Variants in ARL14EPL observed in about 807,000 individuals in gnomAD.
The protein encoded by ARL14EPL is ARL14 effector protein-like.
A neutral mutation model predicts 15.9 loss-of-function variants in ARL14EPL; 17 were observed. That is an observed-to-expected ratio of 1.07 (90% confidence interval 0.73 to 1.60). ARL14EPL has a LOEUF of 1.60. Ranked by LOEUF, ARL14EPL falls within the 40% of genes most tolerant of loss-of-function variation. The pLI is 0.00. For synonymous variants in ARL14EPL, 78 were observed against 63.8 expected (o/e 1.22, Z -1.06); for missense variants, 214 against 185.9 (o/e 1.15, Z -0.88).
At chr5:116,040,079 A>G (rs189129484) in intron 1 of ARL14EPL, among the ~76,000 whole-genome samples, 8 of 152,300 alleles carry the variant, frequency 5.3e-5, no homozygotes, top group Non-Finnish European at 1.0e-4. Context: ...CCAACTTAGC[A>G]ACTCGAAACC....
intron 3 of ARL14EPL, among the ~76,000 whole-genome samples, chr5:116,057,004 A>G (rs966294867): frequency 3.3e-5 from 5 of 152,214 alleles, no homozygotes; most frequent in Non-Finnish European, 7.3e-5. Flanking sequence ...ATCCCTGATG[A>G]ACATCAATGC....
rs550353016 is a variant in ARL14EPL, at chr5:116,033,074, C to T, written c.-10+569C>T. Among the ~76,000 whole-genome samples, 5 of 152,232 alleles carry T rather than the reference C, an allele frequency of 3.3e-5. No individual in the cohort carries two copies. The South Asian group carries it at 1.0e-3, about 32-fold the overall frequency. On this transcript the variant is annotated intron_variant, in intron 1 of 3. Coordinates refer to ENST00000686077, the MANE Select transcript of ARL14EPL (RefSeq NM_001195581.2). Reference sequence around the variant, plus strand: ...TCAGCCTGCCAAAGTGCTGGGATTCCAGGTGTGAGCCCCCACACCCGGCCT... The same window carrying T: ...TCAGCCTGCCAAAGTGCTGGGATTCTAGGTGTGAGCCCCCACACCCGGCCT...
chr5:116,036,083 T>C (rs1749045285), intron 1 of ARL14EPL, among the ~76,000 whole-genome samples: 1 of 152,104 alleles, frequency 6.6e-6, no homozygotes, highest in Non-Finnish European at 1.5e-5. Flanking sequence ...TAAAAGGTGG[T>C]TTTGGAATTG....
chr5:116,054,574 G>A (rs1245834759), intron 3 of ARL14EPL, among the ~76,000 whole-genome samples: 1 of 152,214 alleles, frequency 6.6e-6, no homozygotes, highest in African/African-American at 2.4e-5. Flanking sequence ...GCTCACACCT[G>A]TAATTCCAAC....
chr5:116,041,383 T>G (rs928671540), intron 1 of ARL14EPL, among the ~76,000 whole-genome samples: 1 of 152,222 alleles, frequency 6.6e-6, no homozygotes, highest in South Asian at 2.1e-4. Context: ...AAGGAAGTTT[T>G]GGGGGAAAAC....
intron 2 of ARL14EPL, chr5:116,052,426 A>G (rs2112678641): frequency 6.4e-6 from 4 of 622,836 alleles, no homozygotes; most frequent in Non-Finnish European, 1.1e-5. Context: ...GTATTAACTC[A>G]TCTAATCCTT....
intron 1 of ARL14EPL, among the ~76,000 whole-genome samples, chr5:116,046,094 C>T (rs12187271): frequency 6.6e-6 from 1 of 152,060 alleles, no homozygotes. Flanking sequence ...ATCTCAGCGA[C>T]CTATAAATTT....
rs116136931 is a variant in ARL14EPL at position 116,046,716 on chromosome 5, T to G, written c.-9-4741T>G. Among the ~76,000 whole-genome samples the G allele has an allele frequency of 3.0e-3, 458 of 152,320 alleles. 2 individuals carry two copies. Among genetic ancestry groups the G allele is most frequent in the African/African-American group, 0.011 (453 of 41,568 alleles). On this transcript the variant is annotated intron_variant, in intron 1 of 3. Transcript: ENST00000686077. ...TCTGTTCCAGCGCTGAAGAAATGCC[T>G]GGCTATGTTGGGTTATTTCATTGTA...
chr5:116,037,949 A>G (rs960482368), intron 1 of ARL14EPL, among the ~76,000 whole-genome samples: 1 of 152,210 alleles, frequency 6.6e-6, no homozygotes, highest in Non-Finnish European at 1.5e-5. Flanking sequence ...TGTAAGGTTC[A>G]TGGAGAGAAA....
intron 3 of ARL14EPL, 43 bp downstream of exon 3, chr5:116,054,196 A>G: frequency 6.7e-7 from 1 of 1,492,864 alleles, no homozygotes; most frequent in Middle Eastern, 1.7e-4. Context: ...GGATTATGAA[A>G]TGCATGAATT....
At chr5:116,050,400 C>T (rs982207275) in intron 1 of ARL14EPL, among the ~76,000 whole-genome samples, 15 of 152,194 alleles carry the variant, frequency 9.9e-5, no homozygotes, top group African/African-American at 3.4e-4. Context: ...CCAGCTGCAT[C>T]CATGTTGCTG....
intron 2 of ARL14EPL, chr5:116,051,970 T>A: frequency 6.2e-7 from 1 of 1,612,230 alleles, no homozygotes; most frequent in South Asian, 1.1e-5. Flanking sequence ...TGTAAATTAC[T>A]TGAGCTCTGT....
intron 3 of ARL14EPL, among the ~76,000 whole-genome samples, chr5:116,057,393 A>C (rs2434360): frequency 0.65 from 97,837 of 150,664 alleles, 33,664 homozygotes; most frequent in Non-Finnish European, 0.79. Context: ...ATTTTGCATG[A>C]TTTGATGTGT....
At chr5:116,033,441 A>G (rs544304625) in intron 1 of ARL14EPL, among the ~76,000 whole-genome samples, 2 of 152,326 alleles carry the variant, frequency 1.3e-5, no homozygotes, top group African/African-American at 4.8e-5. Context: ...AGACTATGCT[A>G]AGCTATGATG....
At chr5:116,042,878 T>C (rs538511112) in intron 1 of ARL14EPL, among the ~76,000 whole-genome samples, 1 of 152,324 alleles carries the variant, frequency 6.6e-6, no homozygotes, top group East Asian at 1.9e-4. Flanking sequence ...AAATACTCTT[T>C]GTATTCTGCT....
intron 2 of ARL14EPL, among the ~76,000 whole-genome samples, chr5:116,053,293 A>T (rs1194153175): frequency 1.3e-5 from 2 of 150,972 alleles, no homozygotes; most frequent in African/African-American, 4.9e-5. Flanking sequence ...TTGAGGCTGC[A>T]GTAAGCCATG....
At chr5:116,046,743 CA>C (rs1749274805) in intron 1 of ARL14EPL, among the ~76,000 whole-genome samples, 1 of 152,162 alleles carries the variant, frequency 6.6e-6, no homozygotes, top group Admixed American at 6.6e-5. Context: ...TTCATTGTAG[CA>C]TTTTCTGAAG....
intron 2 of ARL14EPL, among the ~76,000 whole-genome samples, chr5:116,052,783 A>G (rs963467769): frequency 2.0e-5 from 3 of 152,226 alleles, no homozygotes; most frequent in African/African-American, 7.2e-5. Flanking sequence ...AGTCCATGAC[A>G]TTCTGTTACT....
intron 3 of ARL14EPL, among the ~76,000 whole-genome samples, chr5:116,057,106 C>T (rs1294072960): frequency 6.6e-6 from 1 of 152,184 alleles, no homozygotes; most frequent in Non-Finnish European, 1.5e-5. Flanking sequence ...CCCTGGGATG[C>T]AAGGCTGGTT....
Sources: gnomAD v4.1 joint callset for allele counts (sites outside exome capture counted in the v4.1 genomes callset) on GRCh38, gnomAD v4.1.1 for gene constraint, MANE v1.5 for transcripts, NCBI Gene and HGNC (gene_info 2026-07-23, HGNC 2026-07-21) for gene names.